SCNN1B: variants seen among roughly 807,000 people sequenced by gnomAD.
The protein encoded by SCNN1B is sodium channel epithelial 1 subunit beta.
A neutral mutation model predicts 65.3 loss-of-function variants in SCNN1B; 46 were observed. The ratio of observed to expected loss-of-function variants is 0.70; its 90% CI spans 0.56 to 0.90. SCNN1B has a LOEUF of 0.90. SCNN1B is among the 40% of genes least tolerant of loss of function. The pLI, the probability that SCNN1B is intolerant of heterozygous loss-of-function variation, is 0.00. For synonymous variants in SCNN1B, 349 were observed against 330.6 expected, an observed-to-expected ratio of 1.06 and a Z score of -0.60; for missense variants, 751 against 830.5, an observed-to-expected ratio of 0.90 and a Z score of 1.18.
intron 1 of SCNN1B, among the ~76,000 whole-genome samples, chr16:23,329,625 C>T (rs1328929483): frequency 6.6e-6 from 1 of 152,230 alleles, no homozygotes; most frequent in Non-Finnish European, 1.5e-5. Flanking sequence ...GTAGCTTGTG[C>T]AGGGTTACAT....
intron 2 of SCNN1B, among the ~76,000 whole-genome samples, chr16:23,349,931 C>T (rs1004674824): frequency 6.6e-6 from 1 of 151,886 alleles, no homozygotes; most frequent in Admixed American, 6.6e-5. Context: ...AACCTCAACT[C>T]TACTAAAAAT....
intron 1 of SCNN1B, among the ~76,000 whole-genome samples, chr16:23,345,009 A>AAGAGAG (rs112886828): frequency 6.0e-5 from 9 of 148,890 alleles, no homozygotes; most frequent in South Asian, 2.1e-4. Context: ...AGGAGAGAGA[A>AAGAGAG]AGAGAGAGAG....
upstream of SCNN1B, among the ~76,000 whole-genome samples, chr16:23,301,645 C>T (rs911063252): frequency 6.6e-6 from 1 of 152,082 alleles, no homozygotes; most frequent in African/African-American, 2.4e-5. Context: ...CGAGGAAATG[C>T]GCAAGGCCCG....
At chr16:23,351,586 GC>G (rs1310205747) in intron 2 of SCNN1B, among the ~76,000 whole-genome samples, 1 of 152,182 alleles carries the variant, frequency 6.6e-6, no homozygotes, top group Non-Finnish European at 1.5e-5. Context: ...CAGGACCTTG[GC>G]CTCTGTCCAG....
chr16:23,313,599 C>T (rs966218026), intron 1 of SCNN1B, among the ~76,000 whole-genome samples: 6 of 152,072 alleles, frequency 3.9e-5, no homozygotes, highest in Non-Finnish European at 7.3e-5. Flanking sequence ...AAATAAGCAC[C>T]GATTTTTGTG....
chr16:23,294,207 G>A (rs1028045677), intron 2 of SCNN1B, among the ~76,000 whole-genome samples: 5 of 151,672 alleles, frequency 3.3e-5, no homozygotes, highest in African/African-American at 9.7e-5. Flanking sequence ...TAAAAGACAG[G>A]GTATTTTTGT....
At chr16:23,324,188 CTTT>C (rs780078926) in intron 1 of SCNN1B, among the ~76,000 whole-genome samples, 9 of 137,430 alleles carry the variant, frequency 6.5e-5, no homozygotes, top group Admixed American at 7.4e-5. Flanking sequence ...CAAAAGCTCA[CTTT>C]TTTTTTTTTT....
intron 4 of SCNN1B, among the ~76,000 whole-genome samples, chr16:23,365,593 GAAAGAA>G (rs1962646395): frequency 1.6e-5 from 1 of 61,906 alleles, no homozygotes; most frequent in Non-Finnish European, 3.3e-5. Context: ...GAAAGAGAAA[GAAAGAA>G]AGAAAGAAAG....
At chr16:23,317,532 G>T (rs1247920425) in intron 1 of SCNN1B, among the ~76,000 whole-genome samples, 1 of 152,182 alleles carries the variant, frequency 6.6e-6, no homozygotes, top group Non-Finnish European at 1.5e-5. Flanking sequence ...AGGGTCGAGA[G>T]TTCAGAGCTG....
intron 1 of SCNN1B, among the ~76,000 whole-genome samples, chr16:23,306,013 C>T (rs1274801319): frequency 1.3e-5 from 2 of 152,218 alleles, no homozygotes; most frequent in East Asian, 1.9e-4. Flanking sequence ...GAGGCTGAGG[C>T]GGGTGGATCA....
At chr16:23,335,683 G>C (rs1961922835) in intron 1 of SCNN1B, among the ~76,000 whole-genome samples, 1 of 146,970 alleles carries the variant, frequency 6.8e-6, no homozygotes, top group African/African-American at 2.5e-5. Context: ...CTGACCTCAG[G>C]TAATCCACCT....
chr16:23,371,670 G>T, intron 6 of SCNN1B, 106 bp from the exon 7 acceptor site: 1 of 1,095,788 alleles, frequency 9.1e-7, no homozygotes, highest in Non-Finnish European at 1.4e-6. Context: ...CCTGGCACCT[G>T]CAGGGGTCCA....
chr16:23,279,523 T>C (rs755456164), intron 1 of SCNN1B, among the ~76,000 whole-genome samples: 1 of 152,120 alleles, frequency 6.6e-6, no homozygotes, highest in Non-Finnish European at 1.5e-5. Context: ...CCAAGTGAGA[T>C]TGTCAAGGAC....
chr16:23,347,844 G>A (rs1282553035), intron 1 of SCNN1B, among the ~76,000 whole-genome samples: 1 of 152,270 alleles, frequency 6.6e-6, no homozygotes, highest in Non-Finnish European at 1.5e-5. Context: ...GGGAGGTAGA[G>A]ATTGCAGTGA....
intron 1 of SCNN1B, among the ~76,000 whole-genome samples, chr16:23,302,899 T>C (rs142718940): frequency 6.6e-6 from 1 of 151,986 alleles, no homozygotes; most frequent in Non-Finnish European, 1.5e-5. Context: ...TTTGCAGAGG[T>C]GCAAACTGAG....
chr16:23,346,838 G>A (rs1040607322), intron 1 of SCNN1B, among the ~76,000 whole-genome samples: 5 of 151,884 alleles, frequency 3.3e-5, no homozygotes, highest in African/African-American at 4.8e-5. Context: ...TGACACTTAG[G>A]TGCCAGGCAT....
At chr16:23,323,668 A>C (rs1961634424) in intron 1 of SCNN1B, 1 of 697,370 alleles carries the variant, frequency 1.4e-6, no homozygotes, top group Non-Finnish European at 2.6e-6. Context: ...TTGTAAAGGA[A>C]AGTGCAAGGA....
intron 3 of SCNN1B, among the ~76,000 whole-genome samples, chr16:23,354,513 G>A (rs1214420522): frequency 6.6e-6 from 1 of 152,266 alleles, no homozygotes; most frequent in African/African-American, 2.4e-5. Flanking sequence ...TGGATGTCAT[G>A]AGAAGCCGGA....
chr16:23,363,181 G>A, intron 4 of SCNN1B, among the ~76,000 whole-genome samples: 1 of 152,212 alleles, frequency 6.6e-6, no homozygotes, highest in East Asian at 1.9e-4. Flanking sequence ...CTGAGTGTCT[G>A]TGTGCTCTGT....
Sources: allele counts gnomAD v4.1 joint callset (sites outside exome capture counted in the v4.1 genomes callset), GRCh38; gene constraint gnomAD v4.1.1; transcripts MANE v1.5; gene names NCBI Gene and HGNC (gene_info 2026-07-23, HGNC 2026-07-21).